The following KCNN2 variants were observed in gnomAD, a reference collection of about 807,000 sequenced individuals.
KCNN2 encodes potassium calcium-activated channel subfamily N member 2.
Under a neutral mutation model 55.5 loss-of-function variants are expected in KCNN2, and 24 were observed. The observed-to-expected ratio is 0.43, with a 90% CI of 0.31 to 0.61. KCNN2 has a LOEUF of 0.61. KCNN2 is among the 20% of genes least tolerant of loss of function. The pLI is 0.08. For missense variants in KCNN2, 754 were observed against 853.6 expected, an observed-to-expected ratio of 0.88 and a Z score of 1.45; for synonymous variants, 431 against 336.1, an observed-to-expected ratio of 1.28 and a Z score of -3.09.
rs1361066914 is a variant in KCNN2 at position 114,316,353 on chromosome 5, C to T, written c.-184-44592C>T. On this transcript the variant is annotated intron_variant, in intron 2 of 10. Coordinates refer to the KCNN2 transcript ENST00000512097. ...AGGTCACTGGAGCCCCCTCCTGGCC[C>T]CTGAGCTTGTAGCTAAGATACATCT... Among the ~76,000 whole-genome samples, 5 of 152,094 alleles carry T rather than the reference C, an allele frequency of 3.3e-5. No homozygotes were observed. In the East Asian group the frequency reaches 9.6e-4, roughly 29 times the overall value.
intron 2 of KCNN2, among the ~76,000 whole-genome samples, chr5:114,222,699 T>TA (rs928790797): frequency 2.0e-5 from 3 of 151,910 alleles, no homozygotes; most frequent in Admixed American, 6.6e-5. Flanking sequence ...AGACAGTGAT[T>TA]AAAAAAAAGA....
chr5:114,427,441 G>A (rs577666382), intron 3 of KCNN2, among the ~76,000 whole-genome samples: 7 of 152,288 alleles, frequency 4.6e-5, no homozygotes, highest in South Asian at 2.1e-4. Flanking sequence ...GATAGATGAC[G>A]CAGACAGCCC....
chr5:114,397,091 A>G (rs1240236664), intron 2 of KCNN2, among the ~76,000 whole-genome samples: 2 of 152,192 alleles, frequency 1.3e-5, no homozygotes, highest in Non-Finnish European at 2.9e-5. Context: ...TCCATAGTGT[A>G]CACATACCAT....
intron 2 of KCNN2, among the ~76,000 whole-genome samples, chr5:114,291,179 C>T: frequency 6.9e-6 from 1 of 144,566 alleles, no homozygotes; most frequent in African/African-American, 2.5e-5. Context: ...AATATATGAG[C>T]TTTTTTATTT....
At chr5:114,385,313 A>C (rs1167946162) in intron 2 of KCNN2, among the ~76,000 whole-genome samples, 2 of 151,836 alleles carry the variant, frequency 1.3e-5, no homozygotes, top group Non-Finnish European at 2.9e-5. Context: ...CCAAACCTTA[A>C]ATTTTTGTTG....
At chr5:114,468,625 A>C (rs1000010913) in intron 4 of KCNN2, among the ~76,000 whole-genome samples, 1 of 152,192 alleles carries the variant, frequency 6.6e-6, no homozygotes, top group African/African-American at 2.4e-5. Context: ...CCACAGGAGG[A>C]TACTTTAAGC....
At chr5:114,348,175 C>T (rs1432294032) in intron 2 of KCNN2, among the ~76,000 whole-genome samples, 2 of 150,492 alleles carry the variant, frequency 1.3e-5, no homozygotes, top group African/African-American at 2.4e-5. Flanking sequence ...ACAAAAGGCT[C>T]GGTCTCATGA....
At chr5:114,482,650 G>A (rs182458071) in intron 5 of KCNN2, among the ~76,000 whole-genome samples, 3 of 152,226 alleles carry the variant, frequency 2.0e-5, no homozygotes, top group African/African-American at 7.2e-5. Context: ...TAATAGACTG[G>A]ATAAAGAAAA....
At chr5:114,462,366 A>G (rs1322148732) in intron 3 of KCNN2, among the ~76,000 whole-genome samples, 1 of 152,188 alleles carries the variant, frequency 6.6e-6, no homozygotes, top group Admixed American at 6.5e-5. Flanking sequence ...TTCTTTGTGT[A>G]TAACTGGTAA....
At chr5:114,332,537 G>T (rs1756843971) in intron 2 of KCNN2, among the ~76,000 whole-genome samples, 1 of 152,166 alleles carries the variant, frequency 6.6e-6, no homozygotes, top group African/African-American at 2.4e-5. Context: ...GTAAAGCTTT[G>T]GTAGTTCAGT....
chr5:114,442,708 T>C (rs1760262566), intron 3 of KCNN2, among the ~76,000 whole-genome samples: 2 of 152,118 alleles, frequency 1.3e-5, no homozygotes, highest in South Asian at 4.1e-4. Context: ...GGAGGAAAGA[T>C]GAGAGATGTG....
At chr5:114,141,637 G>C (rs1267934216) in intron 1 of KCNN2, among the ~76,000 whole-genome samples, 2 of 152,142 alleles carry the variant, frequency 1.3e-5, no homozygotes, top group Non-Finnish European at 2.9e-5. Flanking sequence ...AATGCTTTGG[G>C]TATATACCCA....
At position 114,189,156 on chromosome 5, in the gene KCNN2, A is replaced by ATG. The variant is rs1050864413; in HGVS notation, c.-270-32310_-270-32309dup. ...ATAGTGTGTGTGTGTGTGTGTGTGT[A>ATG]TGTGTGTGTGTGTGTAAAGATTTAT... On this transcript the variant is annotated intron_variant, in intron 1 of 10. Transcript: ENST00000512097. 8.3e-3 allele frequency among the ~76,000 whole-genome samples: 435 copies of ATG among 52,106 alleles called. 1 individual carries two copies. Among genetic ancestry groups the ATG allele is most frequent in the African/African-American group, 0.028 (403 of 14,462 alleles). The allele number at this position is 52,106 out of a possible 152,430, so 34.2% of individuals were successfully genotyped here.
intron 3 of KCNN2, among the ~76,000 whole-genome samples, chr5:114,440,687 T>A (rs1409491876): frequency 7.6e-5 from 1 of 13,174 alleles, no homozygotes. Flanking sequence ...GGGGTGGGGG[T>A]GGGGGGGGCT....
chr5:114,261,512 G>A (rs968513327), intron 2 of KCNN2, among the ~76,000 whole-genome samples: 4 of 152,156 alleles, frequency 2.6e-5, no homozygotes, highest in African/African-American at 7.2e-5. Flanking sequence ...GCTAATCAGG[G>A]TGTCCAAAAA....
chr5:114,211,793 A>T (rs998535049), intron 1 of KCNN2, among the ~76,000 whole-genome samples: 1 of 152,056 alleles, frequency 6.6e-6, no homozygotes, highest in Non-Finnish European at 1.5e-5. Context: ...AAGGTTGCAT[A>T]TACCTTATTT....
In KCNN2 at chr5:114,404,830, C is replaced by A; in HGVS notation, c.1611C>A (p.Ala537=). 1.9e-6 allele frequency: 3 copies of A among 1,612,710 alleles called. No individual in the cohort carries two copies. In the South Asian group the frequency reaches 3.3e-5, roughly 18 times the overall value. The change falls in exon 3 of 8, where the codon GCC becomes GCA. Residue 537 remains alanine, a synonymous_variant. Transcript: ENST00000673685. ...LVFSISLWII[A]AWTVRACERY... is the part of the protein sequence containing the mutation. ...TTAGTATCTCATTATGGATAATTGC[C>A]GCATGGACTGTCCGAGCTTGTGAAA...
chr5:114,328,477 GGAAAGCTCATATTTCCATCTC>G (rs1386624073), intron 2 of KCNN2, among the ~76,000 whole-genome samples: 1 of 152,138 alleles, frequency 6.6e-6, no homozygotes, highest in Non-Finnish European at 1.5e-5. Context: ...TAAATGTGCA[GGAAAGCTCATATTTCCATCTC>G]TCCACTCTCA....
chr5:114,161,292 T>C (rs546288538), intron 1 of KCNN2, among the ~76,000 whole-genome samples: 1 of 151,894 alleles, frequency 6.6e-6, no homozygotes, highest in East Asian at 1.9e-4. Context: ...AAATTCTGGG[T>C]TGAAAATTCT....
Sources: allele counts gnomAD v4.1 joint callset (sites outside exome capture counted in the v4.1 genomes callset), GRCh38; gene constraint gnomAD v4.1.1; transcripts MANE v1.5; gene names NCBI Gene and HGNC (gene_info 2026-07-23, HGNC 2026-07-21).